Variants in MMP26 observed in about 807,000 individuals in gnomAD.
The protein encoded by MMP26 is matrix metallopeptidase 26.
MMP26 carries 33 observed loss-of-function variants against 31.0 expected under a neutral mutation model. The observed-to-expected ratio is 1.06, with a 90% CI of 0.81 to 1.42. The LOEUF (loss-of-function observed/expected upper bound fraction) is 1.42, where lower values mean the gene tolerates loss of function less well. Among genes scored for constraint, MMP26 ranks in the 40% most tolerant of loss-of-function variants. The probability of loss-of-function intolerance (pLI) is 0.00; values close to 1 mark genes in which losing one functional copy is unlikely to be tolerated. For synonymous variants in MMP26, 122 were observed against 114.9 expected, an observed-to-expected ratio of 1.06 and a Z score of -0.40; for missense variants, 347 against 316.1, an observed-to-expected ratio of 1.10 and a Z score of -0.74.
chr11:4,822,126 G>C (rs768667172), intron 2 of MMP26: 3 of 1,612,590 alleles, frequency 1.9e-6, no homozygotes, highest in Non-Finnish European at 2.5e-6. Context: ...CCTCAGAAGA[G>C]AGGCGGAAAG....
intron 2 of MMP26, among the ~76,000 whole-genome samples, chr11:4,819,303 G>A (rs927449430): frequency 6.6e-5 from 10 of 152,078 alleles, no homozygotes; most frequent in African/African-American, 2.2e-4. Context: ...GTGAAAATGG[G>A]GGAGATAATT....
Position 4,726,457 on chromosome 11 carries a change from C to T in MMP26, c.-217+21412C>T, listed in dbSNP as rs182749456. Among the ~76,000 whole-genome samples, 263 of 150,040 alleles carry T rather than the reference C, an allele frequency of 1.8e-3. 4 individuals are homozygous for T. Among genetic ancestry groups the T allele is most frequent in the Non-Finnish European group, 3.3e-3 (225 of 67,660 alleles). On this transcript the variant is annotated intron_variant, in intron 1 of 7. Coordinates refer to ENST00000380390, the MANE Select transcript of MMP26 (RefSeq NM_021801.5). ...AGCCTGGGAGACAAGAGTGCAACTT[C>T]ATTAAAAAAAAAAAAATTACCATTG...
At chr11:4,970,239 GT>G (rs1846647816) in intron 2 of MMP26, among the ~76,000 whole-genome samples, 1 of 152,146 alleles carries the variant, frequency 6.6e-6, no homozygotes, top group Non-Finnish European at 1.5e-5. Flanking sequence ...ATAAATTGAG[GT>G]TACTGACTCA....
intron 2 of MMP26, among the ~76,000 whole-genome samples, chr11:4,962,798 CAG>C (rs1846538678): frequency 6.6e-6 from 1 of 152,118 alleles, no homozygotes. Flanking sequence ...ACTTGGAGAA[CAG>C]AGTCAAACAA....
chr11:4,755,386 A>T (rs952089740), intron 1 of MMP26, among the ~76,000 whole-genome samples: 1 of 152,004 alleles, frequency 6.6e-6, no homozygotes, highest in Admixed American at 6.6e-5. Context: ...CATTGAATAC[A>T]TCTCCATAGT....
At chr11:4,824,724 A>C (rs996461601) in intron 2 of MMP26, among the ~76,000 whole-genome samples, 4 of 152,094 alleles carry the variant, frequency 2.6e-5, no homozygotes, top group Admixed American at 6.6e-5. Flanking sequence ...ATCTCCACCT[A>C]ATTTTCTGTG....
chr11:4,733,948 T>C (rs1848206019), intron 1 of MMP26, among the ~76,000 whole-genome samples: 1 of 152,224 alleles, frequency 6.6e-6, no homozygotes. Flanking sequence ...GTTTTTGTTC[T>C]TTATCCTATT....
chr11:4,842,620 G>A lies in MMP26; in HGVS notation c.-145+75279G>A, dbSNP rs79147855. 4.9e-4 allele frequency among the ~76,000 whole-genome samples: 75 copies of A among 152,234 alleles called. 1 individual carries two copies. In the East Asian group the frequency reaches 0.012, roughly 24 times the overall value. On this transcript the variant is annotated intron_variant, in intron 2 of 7. Transcript: ENST00000380390. ...TCTCCCATCAGGTCCCTCTCTCCAC[G>A]TTGGGAATTACAATTCAACATGAGA...
At chr11:4,937,384 AC>A (rs1846136293) in intron 2 of MMP26, 1 of 152,038 alleles carries the variant, frequency 6.6e-6, no homozygotes, top group African/African-American at 2.4e-5. Context: ...TTTCCCCACA[AC>A]CTTTTCTCGG....
chr11:4,920,005 G>A (rs2133579762), intron 2 of MMP26, among the ~76,000 whole-genome samples: 1 of 151,492 alleles, frequency 6.6e-6, no homozygotes, highest in East Asian at 1.9e-4. Flanking sequence ...CCTGCAAAAG[G>A]TAATTAGAAC....
intron 2 of MMP26, among the ~76,000 whole-genome samples, chr11:4,773,376 A>G (rs1589896599): frequency 1.3e-5 from 2 of 152,370 alleles, no homozygotes; most frequent in African/African-American, 4.8e-5. Flanking sequence ...CAACCAGCCA[A>G]GAACTGAACA....
intron 2 of MMP26, among the ~76,000 whole-genome samples, chr11:4,784,594 G>C (rs540179459): frequency 5.3e-5 from 8 of 152,320 alleles, no homozygotes; most frequent in African/African-American, 1.9e-4. Flanking sequence ...CACATGCCAA[G>C]AAAGATCTGA....
chr11:4,911,954 G>T (rs1850998672), intron 2 of MMP26, among the ~76,000 whole-genome samples: 1 of 152,070 alleles, frequency 6.6e-6, no homozygotes, highest in South Asian at 2.1e-4. Flanking sequence ...ACTAACTTCT[G>T]CTTATAAGCA....
intron 2 of MMP26, among the ~76,000 whole-genome samples, chr11:4,792,288 T>C (rs1849038492): frequency 6.6e-6 from 1 of 152,048 alleles, no homozygotes; most frequent in Non-Finnish European, 1.5e-5. Flanking sequence ...TAATGATAAT[T>C]ATGGAATTAT....
intron 2 of MMP26, among the ~76,000 whole-genome samples, chr11:4,906,948 C>T (rs12420434): frequency 0.085 from 12,804 of 151,506 alleles, 674 homozygotes; most frequent in Non-Finnish European, 0.12. Context: ...AAATTAGCTA[C>T]GCATGGTGGT....
At chr11:4,833,402 CTG>C (rs1291956198) in intron 2 of MMP26, among the ~76,000 whole-genome samples, 1 of 152,242 alleles carries the variant, frequency 6.6e-6, no homozygotes, top group African/African-American at 2.4e-5. Context: ...TAGCCCTTAA[CTG>C]TGGCTGGGAG....
At chr11:4,781,593 A>C (rs1848863805) in intron 2 of MMP26, among the ~76,000 whole-genome samples, 1 of 136,338 alleles carries the variant, frequency 7.3e-6, no homozygotes, top group Non-Finnish European at 1.6e-5. Context: ...AAAAAAAAAA[A>C]AAAAAAAAAA....
chr11:4,802,187 A>T (rs1161717438), intron 2 of MMP26, among the ~76,000 whole-genome samples: 1 of 152,184 alleles, frequency 6.6e-6, no homozygotes, highest in African/African-American at 2.4e-5. Context: ...TAATGTCTAT[A>T]TTTGGGCTGG....
At chr11:4,791,798 G>T (rs979454915) in intron 2 of MMP26, among the ~76,000 whole-genome samples, 1 of 151,950 alleles carries the variant, frequency 6.6e-6, no homozygotes, top group Admixed American at 6.6e-5. Flanking sequence ...CCAGTGTTGG[G>T]TTCCAGATTT....
Sources: gnomAD v4.1 joint callset for allele counts (sites outside exome capture counted in the v4.1 genomes callset) on GRCh38, gnomAD v4.1.1 for gene constraint, MANE v1.5 for transcripts, NCBI Gene and HGNC (gene_info 2026-07-23, HGNC 2026-07-21) for gene names.